SLC25A33: variants seen among roughly 807,000 people sequenced by gnomAD.
SLC25A33 encodes bone marrow stromal cell mitochondrial carrier protein.
A neutral mutation model predicts 35.5 loss-of-function variants in SLC25A33; 15 were observed. The ratio of observed to expected loss-of-function variants is 0.42; its 90% confidence interval spans 0.28 to 0.65. SLC25A33 has a LOEUF of 0.65. Ranked by LOEUF, SLC25A33 falls within the 30% of genes least tolerant of loss-of-function variation. The pLI is 0.20. For missense variants in SLC25A33, 257 were observed against 398.5 expected, an observed-to-expected ratio of 0.64 and a Z score of 3.02; for synonymous variants, 136 against 148.7, an observed-to-expected ratio of 0.91 and a Z score of 0.62.
At chr1:9,566,392 G>A (rs1643506047) in intron 2 of SLC25A33, among the ~76,000 whole-genome samples, 1 of 152,168 alleles carries the variant, frequency 6.6e-6, no homozygotes, top group Admixed American at 6.5e-5. Context: ...AGATCTAGAA[G>A]ATAGGATTGT....
At chr1:9,560,563 C>CA (rs559283994) in intron 2 of SLC25A33, among the ~76,000 whole-genome samples, 31 of 149,882 alleles carry the variant, frequency 2.1e-4, no homozygotes, top group South Asian at 2.1e-4. Context: ...GACTCCATCT[C>CA]AAAAAAAAAG....
chr1:9,576,443 G>T, intron 5 of SLC25A33: 1 of 392,816 alleles, frequency 2.5e-6, no homozygotes, highest in Non-Finnish European at 5.0e-6. Context: ...ACCATTCACA[G>T]CAATCAGACT....
intron 2 of SLC25A33, among the ~76,000 whole-genome samples, chr1:9,566,992 C>T (rs1643516867): frequency 1.3e-5 from 2 of 151,978 alleles, no homozygotes; most frequent in Admixed American, 6.6e-5. Context: ...CATGTTACTG[C>T]ACTCCAGCCT....
At chr1:9,562,049 CAAAA>C (rs55912108) in intron 2 of SLC25A33, among the ~76,000 whole-genome samples, 1 of 117,404 alleles carries the variant, frequency 8.5e-6, no homozygotes, top group Admixed American at 8.9e-5. Flanking sequence ...GACTCCGTCT[CAAAA>C]AAAAAAAAAA....
chr1:9,564,765 T>TATATATATATATATACAC (rs59741987), intron 2 of SLC25A33, among the ~76,000 whole-genome samples: 16 of 114,806 alleles, frequency 1.4e-4, no homozygotes, highest in East Asian at 9.5e-4. Context: ...TATATATATA[T>TATATATATATATATACAC]ACACAAAAAT....
At chr1:9,556,681 C>CTGTGTGTGTGTG (rs139323135) in intron 2 of SLC25A33, among the ~76,000 whole-genome samples, 308 of 149,470 alleles carry the variant, frequency 2.1e-3, no homozygotes, top group African/African-American at 6.6e-3. Flanking sequence ...GTGTCTGTGT[C>CTGTGTGTGTGTG]TGTGTGTGTG....
At chr1:9,552,452 G>A (rs1389875042) in intron 1 of SLC25A33, among the ~76,000 whole-genome samples, 7 of 151,594 alleles carry the variant, frequency 4.6e-5, no homozygotes, top group African/African-American at 1.2e-4. Context: ...GGCTGGTCTC[G>A]AACTCCTGGC....
chr1:9,550,675 A>T (rs185303352), intron 1 of SLC25A33, among the ~76,000 whole-genome samples: 94 of 151,908 alleles, frequency 6.2e-4, no homozygotes, highest in African/African-American at 2.2e-3. Context: ...TTAATTAATT[A>T]ATTAATTAAT....
At chr1:9,559,663 C>G (rs1643393218) in intron 2 of SLC25A33, among the ~76,000 whole-genome samples, 1 of 152,058 alleles carries the variant, frequency 6.6e-6, no homozygotes, top group Non-Finnish European at 1.5e-5. Flanking sequence ...TAACTCAGGA[C>G]TTACATAAAA....
intron 5 of SLC25A33, among the ~76,000 whole-genome samples, chr1:9,574,163 A>C (rs974637215): frequency 7.1e-6 from 1 of 141,496 alleles, no homozygotes; most frequent in African/African-American, 2.7e-5. Flanking sequence ...CTCATCTATC[A>C]CCCAGCCTCG....
intron 5 of SLC25A33, chr1:9,577,002 C>T (rs950320137): frequency 1.1e-5 from 12 of 1,060,450 alleles, no homozygotes; most frequent in South Asian, 6.3e-5. Context: ...AGAGTTGTCC[C>T]GCTACAGAAA....
At chr1:9,579,879 T>C in intron 5 of SLC25A33, 75 bp from the exon 6 acceptor site, 1 of 1,499,902 alleles carries the variant, frequency 6.7e-7, no homozygotes, top group Non-Finnish European at 9.0e-7. Context: ...CCCGTACCTG[T>C]TCTCCTACTG....
intron 1 of SLC25A33, among the ~76,000 whole-genome samples, chr1:9,545,172 G>T (rs1270356860): frequency 4.6e-5 from 7 of 151,938 alleles, no homozygotes; most frequent in African/African-American, 1.7e-4. Context: ...AGAAGGTAGA[G>T]GAATGGGGAG....
At chr1:9,570,550 A>G (rs541913911) in intron 4 of SLC25A33, among the ~76,000 whole-genome samples, 192 bp downstream of exon 4, 5 of 152,122 alleles carry the variant, frequency 3.3e-5, no homozygotes, top group African/African-American at 1.2e-4. Context: ...TTCCTTGACC[A>G]CTAAAGCTCT....
intron 3 of SLC25A33, among the ~76,000 whole-genome samples, chr1:9,568,339 G>T (rs554265096): frequency 6.6e-6 from 1 of 152,338 alleles, no homozygotes; most frequent in Admixed American, 6.5e-5. Context: ...TACTCTGGAG[G>T]CTGAGGCAGG....
intron 1 of SLC25A33, among the ~76,000 whole-genome samples, chr1:9,543,230 A>C (rs934992493): frequency 1.3e-5 from 2 of 150,648 alleles, no homozygotes; most frequent in African/African-American, 4.9e-5. Context: ...TGCAACCTCT[A>C]CCTCCTGGGT....
At chr1:9,570,702 GT>G (rs35547370) in intron 4 of SLC25A33, among the ~76,000 whole-genome samples, 3,480 of 100,032 alleles carry the variant, frequency 0.035, 32 homozygotes, top group African/African-American at 0.11. Flanking sequence ...GATAGATATA[GT>G]TTTTTTTTTT....
chr1:9,567,300 G>A lies in SLC25A33; in HGVS notation c.253G>A (p.Glu85Lys). The A allele has an allele frequency of 6.2e-7, 1 of 1,614,000 alleles. No homozygotes were observed. The highest frequency in any genetic ancestry group is 8.5e-7 in the Non-Finnish European group (1 of 1,179,964). The stretch of plus-strand genomic sequence containing the variant: ...ATTATTCAGGTCGATCTTGGAGAAA[G>A]AGGGACCAAAGTCACTTTTTAGAGG... ...FQVLKSILEK[E>K]GPKSLFRGLG... is the part of the protein sequence containing the mutation. The change falls in exon 3 of 7, where the codon GAG (glutamate) becomes AAG (lysine). Residue 85 changes from glutamate to lysine, a missense_variant. Transcript: ENST00000302692.
At position 9,553,784 on chromosome 1, in the gene SLC25A33, C is replaced by T. The variant is rs1254087619; in HGVS notation, c.215C>T (p.Pro72Leu). The T allele has an allele frequency of 1.2e-6, 2 of 1,614,106 alleles. No individual in the cohort carries two copies. Among genetic ancestry groups the T allele is most frequent in the African/African-American group, 1.3e-5 (1 of 75,046 alleles). The part of the protein sequence containing the change: ...AGMVRPTSVT[P>L]GLFQVLKSIL... ...ATGGTGAGACCAACATCCGTGACAC[C>T]TGGACTCTTTCAGGTTCTGAAGTAA... The change falls in exon 2 of 7, where the codon CCT becomes CTT. Residue 72 changes from proline (P) to leucine (L), a missense_variant. Coordinates refer to ENST00000302692, the MANE Select transcript of SLC25A33 (RefSeq NM_032315.3).
Sources: allele counts gnomAD v4.1 joint callset (sites outside exome capture counted in the v4.1 genomes callset), GRCh38; gene constraint gnomAD v4.1.1; transcripts MANE v1.5; gene names NCBI Gene and HGNC (gene_info 2026-07-23, HGNC 2026-07-21).